MEI1: variants seen among roughly 807,000 people sequenced by gnomAD.
MEI1 encodes meiosis inhibitor protein 1.
Under a neutral mutation model 146.2 loss-of-function variants are expected in MEI1, and 103 were observed. That is an observed-to-expected ratio of 0.70 (90% CI 0.60 to 0.83). The LOEUF (loss-of-function observed/expected upper bound fraction) is 0.83, where lower values mean the gene tolerates loss of function less well. Ranked by LOEUF, MEI1 falls within the 40% of genes least tolerant of loss-of-function variation. The pLI is 0.00. For missense variants in MEI1, 1,529 were observed against 1,533.0 expected (o/e 1.00, Z 0.04); for synonymous variants, 652 against 628.2 (o/e 1.04, Z -0.57).
chr22:41,738,810 T>TAAAATAAAATA (rs3045433), intron 11 of MEI1, among the ~76,000 whole-genome samples: 2 of 149,146 alleles, frequency 1.3e-5, no homozygotes, highest in African/African-American at 2.5e-5. Flanking sequence ...ATAAAATAAA[T>TAAAATAAAATA]AAATAAAATT....
intron 19 of MEI1, among the ~76,000 whole-genome samples, chr22:41,768,624 A>G (rs1371536666): frequency 6.6e-6 from 1 of 152,214 alleles, no homozygotes; most frequent in Non-Finnish European, 1.5e-5. Flanking sequence ...GGAATCTTAC[A>G]GTCATGGCAG....
intron 7 of MEI1, among the ~76,000 whole-genome samples, chr22:41,727,497 C>T (rs2071460983): frequency 6.6e-6 from 1 of 152,150 alleles, no homozygotes; most frequent in Non-Finnish European, 1.5e-5. Flanking sequence ...GGAGGCATCA[C>T]AGTTGTGGGT....
chr22:41,727,729 G>T (rs2071489383), intron 7 of MEI1, among the ~76,000 whole-genome samples: 3 of 152,140 alleles, frequency 2.0e-5, no homozygotes, highest in African/African-American at 7.2e-5. Flanking sequence ...AAAAGGAAAG[G>T]TGCATGGGGC....
intron 7 of MEI1, among the ~76,000 whole-genome samples, chr22:41,726,591 A>C (rs1250028875): frequency 6.6e-6 from 1 of 152,090 alleles, no homozygotes; most frequent in African/African-American, 2.4e-5. Context: ...TCTGAGATAC[A>C]TTTTTTCACA....
In MEI1 at chr22:41,770,790, G is replaced by A; in HGVS notation, c.2373G>A (p.Glu791=). 1 of 1,613,948 alleles carries A rather than the reference G, an allele frequency of 6.2e-7. No individual in the cohort carries two copies. The highest frequency in any genetic ancestry group is 8.5e-7 in the Non-Finnish European group (1 of 1,179,896). ...TCAGGTTCTTTCTGTTGTATCCAGA[G>A]CTCATGAGTAGGTATGGGCACCGTG... The part of the protein sequence containing the change: ...LLLRFFLLYP[E]LMSRYGHRVL... The change falls in exon 20 of 31, where the codon GAG becomes GAA. Residue 791 remains glutamate (E), a synonymous_variant. Transcript: ENST00000401548.
chr22:41,715,756 G>A (rs1243141050), intron 4 of MEI1, among the ~76,000 whole-genome samples: 1 of 150,172 alleles, frequency 6.7e-6, no homozygotes, highest in Non-Finnish European at 1.5e-5. Flanking sequence ...TCAAACTTTT[G>A]TCCCCCAACT....
In MEI1 at chr22:41,732,291, C is replaced by T; in HGVS notation, c.1143C>T (p.Asn381=). 1.2e-6 allele frequency: 2 copies of T among 1,612,432 alleles called. No homozygotes were observed. Among genetic ancestry groups the T allele is most frequent in the Non-Finnish European group, 1.7e-6 (2 of 1,179,354 alleles). ...VRSLQGSLKM[N]NIELHKQGLL... ...GCCTGCAGGGAAGCCTGAAGATGAA[C>T]AACATAGAGCTGCACAAGCAGGGCC... Residue 381 remains asparagine, a synonymous_variant, in exon 10 of 31, where the codon AAC becomes AAT. Transcript: ENST00000401548.
intron 15 of MEI1, among the ~76,000 whole-genome samples, chr22:41,750,667 G>A (rs2073686936): frequency 6.6e-6 from 1 of 152,174 alleles, no homozygotes; most frequent in Admixed American, 6.5e-5. Flanking sequence ...TGATAGGAAG[G>A]AGCAGTAGAG....
chr22:41,720,477 C>T (rs973199868), intron 6 of MEI1, among the ~76,000 whole-genome samples: 1 of 152,108 alleles, frequency 6.6e-6, no homozygotes, highest in Non-Finnish European at 1.5e-5. Flanking sequence ...GTCACCCAGG[C>T]TGGAGTGCAG....
At chr22:41,755,941 G>A (rs1016178499) in intron 17 of MEI1, among the ~76,000 whole-genome samples, 2 of 151,942 alleles carry the variant, frequency 1.3e-5, no homozygotes, top group Non-Finnish European at 2.9e-5. Flanking sequence ...TTCAACTGAG[G>A]TCCTGTCTTT....
chr22:41,748,307 G>T, intron 15 of MEI1, 89 bp downstream of exon 15: 1 of 846,348 alleles, frequency 1.2e-6, no homozygotes, highest in Non-Finnish European at 2.0e-6. Context: ...TAAGTTGTGG[G>T]TGCACATTTA....
chr22:41,731,051 C>CTTTTT (rs71651970), intron 9 of MEI1, among the ~76,000 whole-genome samples: 7 of 117,120 alleles, frequency 6.0e-5, no homozygotes, highest in Admixed American at 8.9e-5. Flanking sequence ...TTGTCTGGGA[C>CTTTTT]TTTTTTTTTT....
chr22:41,700,147 G>T (rs1167724331), intron 1 of MEI1, among the ~76,000 whole-genome samples: 4 of 152,196 alleles, frequency 2.6e-5, no homozygotes, highest in African/African-American at 9.6e-5. Context: ...GCATGCGGCG[G>T]CCGCTCCTCA....
chr22:41,727,761 A>G (rs2071495557), intron 7 of MEI1, among the ~76,000 whole-genome samples: 1 of 152,108 alleles, frequency 6.6e-6, no homozygotes, highest in African/African-American at 2.4e-5. Context: ...GAACCAACAC[A>G]AGCTTCCAGA....
chr22:41,769,331 A>G (rs185070312), intron 19 of MEI1, among the ~76,000 whole-genome samples: 1 of 152,230 alleles, frequency 6.6e-6, no homozygotes, highest in Non-Finnish European at 1.5e-5. Flanking sequence ...GTCTTTTCAG[A>G]AAATTTTCAG....
At chr22:41,772,179 A>G (rs2075219601) in intron 20 of MEI1, among the ~76,000 whole-genome samples, 1 of 152,200 alleles carries the variant, frequency 6.6e-6, no homozygotes, top group African/African-American at 2.4e-5. Context: ...ACACAGTGAC[A>G]TTTGTATATC....
rs920642758 is a variant in MEI1 at position 41,699,611 on chromosome 22, G to C, written c.73G>C (p.Glu25Gln). The change falls in exon 1 of 31, where the codon GAG (glutamate) becomes CAG (glutamine). Residue 25 changes from glutamate (E) to glutamine (Q), a missense_variant. Physicochemically the swap from Glu to Gln is conservative, Grantham distance 29. This residue lies in a region of MEI1 where 1,212 missense variants were observed against 1,178.9 expected (regional missense o/e 1.03). Coordinates refer to ENST00000401548, the MANE Select transcript of MEI1 (RefSeq NM_152513.4). ...RREEEAALLF[E>Q]RAHYRHDPRW... ...AGAGGAAGAGGCGGCGCTTCTATTC[G>C]AGAGGGCCCATTACCGGCACGACCC... 6.2e-7 allele frequency: 1 copy of C among 1,612,398 alleles called. No homozygotes were observed. Among genetic ancestry groups the C allele is most frequent in the Non-Finnish European group, 8.5e-7 (1 of 1,179,338 alleles).
intron 13 of MEI1, 124 bp downstream of exon 13, chr22:41,745,188 C>T: frequency 2.9e-6 from 2 of 680,516 alleles, no homozygotes; most frequent in Non-Finnish European, 4.5e-6. Context: ...GCAAAGAGGA[C>T]TTTGGCTGGG....
At chr22:41,764,023 G>A (rs2074685238) in intron 19 of MEI1, among the ~76,000 whole-genome samples, 1 of 146,424 alleles carries the variant, frequency 6.8e-6, no homozygotes, top group Admixed American at 7.1e-5. Context: ...CGCTGTGGCA[G>A]GATCGCTGCT....
Sources: allele counts gnomAD v4.1 joint callset (sites outside exome capture counted in the v4.1 genomes callset), GRCh38; gene constraint gnomAD v4.1.1; regional missense constraint gnomAD v4.1.1; transcripts MANE v1.5; gene names NCBI Gene and HGNC (gene_info 2026-07-23, HGNC 2026-07-21).